LCLAT1: variants seen among roughly 807,000 people sequenced by gnomAD.
The protein encoded by LCLAT1 is lysocardiolipin acyltransferase 1, also known as 1-AGP acyltransferase 8.
A neutral mutation model predicts 30.7 loss-of-function variants in LCLAT1; 11 were observed. The observed-to-expected ratio is 0.36, with a 90% CI of 0.23 to 0.59. The LOEUF is 0.59. Ranked by LOEUF, LCLAT1 falls within the 20% of genes least tolerant of loss-of-function variation. The pLI, the probability that LCLAT1 is intolerant of heterozygous loss-of-function variation, is 0.77. For missense variants in LCLAT1, 402 were observed against 458.6 expected, an observed-to-expected ratio of 0.88 and a Z score of 1.13; for synonymous variants, 155 against 151.3, an observed-to-expected ratio of 1.02 and a Z score of -0.18.
At chr2:30,483,201 C>T (rs2148313890) in intron 1 of LCLAT1, among the ~76,000 whole-genome samples, 1 of 152,208 alleles carries the variant, frequency 6.6e-6, no homozygotes, top group South Asian at 2.1e-4. Flanking sequence ...TTTAAAACTA[C>T]TCTAGGCCAA....
chr2:30,512,050 C>T (rs1032474340), intron 1 of LCLAT1, among the ~76,000 whole-genome samples: 3 of 152,134 alleles, frequency 2.0e-5, no homozygotes, highest in Non-Finnish European at 4.4e-5. Flanking sequence ...TTCTGCTTTC[C>T]AGCTTTTAAA....
At chr2:30,579,485 T>G (rs979214013) in intron 5 of LCLAT1, among the ~76,000 whole-genome samples, 2 of 152,040 alleles carry the variant, frequency 1.3e-5, no homozygotes, top group African/African-American at 2.4e-5. Context: ...ATGCATAAAT[T>G]TGGGAGGTTA....
intron 3 of LCLAT1, among the ~76,000 whole-genome samples, chr2:30,535,742 A>G (rs369815530): frequency 1.4e-3 from 217 of 152,312 alleles, no homozygotes; most frequent in African/African-American, 5.1e-3. Context: ...GTAGGAACAC[A>G]GGAAACGTGA....
intron 1 of LCLAT1, among the ~76,000 whole-genome samples, chr2:30,512,308 A>G (rs1485604799): frequency 1.3e-5 from 2 of 152,202 alleles, no homozygotes; most frequent in Non-Finnish European, 2.9e-5. Context: ...ATCATATTCT[A>G]GATAATGCTT....
chr2:30,624,051 G>C (rs888309719), intron 5 of LCLAT1, among the ~76,000 whole-genome samples: 3 of 152,090 alleles, frequency 2.0e-5, no homozygotes, highest in Admixed American at 2.0e-4. Flanking sequence ...GTCTTTTTCA[G>C]ACAAACAAAT....
intron 5 of LCLAT1, among the ~76,000 whole-genome samples, chr2:30,578,440 G>C (rs185089816): frequency 1.2e-3 from 184 of 152,220 alleles, no homozygotes; most frequent in Non-Finnish European, 2.0e-3. Context: ...GCTGCTCCTA[G>C]TCAAACATGA....
At position 30,635,997 on chromosome 2, in the gene LCLAT1, C is replaced by A. The variant is rs192651395; in HGVS notation, c.629-4120C>A. ...TGTACTTGAGCATCTAGTAAGGGCA[C>A]AGGATGGCAACCAGGTACCCAAATG... On this transcript the variant is annotated intron_variant, in intron 5 of 5. Transcript: ENST00000379509. 6.0e-3 allele frequency among the ~76,000 whole-genome samples: 920 copies of A among 152,192 alleles called. 13 individuals carry two copies. The highest frequency in any genetic ancestry group is 9.4e-3 in the Non-Finnish European group (640 of 68,004).
At chr2:30,455,368 A>G (rs1469158005) in intron 1 of LCLAT1, among the ~76,000 whole-genome samples, 1 of 152,154 alleles carries the variant, frequency 6.6e-6, no homozygotes, top group African/African-American at 2.4e-5. Context: ...CGTGACTTAA[A>G]ATGACAGGCA....
chr2:30,584,250 A>G (rs1351854671), intron 5 of LCLAT1, among the ~76,000 whole-genome samples: 1 of 152,208 alleles, frequency 6.6e-6, no homozygotes, highest in African/African-American at 2.4e-5. Context: ...TTGTAGTTAC[A>G]TGCGTGAACC....
intron 1 of LCLAT1, among the ~76,000 whole-genome samples, chr2:30,465,188 C>G (rs1682358384): frequency 6.6e-6 from 1 of 152,078 alleles, no homozygotes; most frequent in East Asian, 1.9e-4. Flanking sequence ...TGTGAGTGGT[C>G]CCTAAAAGCA....
chr2:30,594,532 A>T (rs1238041183), intron 5 of LCLAT1, among the ~76,000 whole-genome samples: 4 of 152,112 alleles, frequency 2.6e-5, no homozygotes, highest in Non-Finnish European at 4.4e-5. Flanking sequence ...TGTTTCATTT[A>T]GCTCTGCGTG....
intron 5 of LCLAT1, among the ~76,000 whole-genome samples, chr2:30,585,188 C>T (rs1666379715): frequency 6.6e-6 from 1 of 151,818 alleles, no homozygotes; most frequent in Non-Finnish European, 1.5e-5. Context: ...TTCCTTGTTT[C>T]CCTCTCAAGC....
intron 5 of LCLAT1, among the ~76,000 whole-genome samples, chr2:30,598,070 G>A (rs955875922): frequency 1.2e-4 from 19 of 152,110 alleles, no homozygotes; most frequent in Non-Finnish European, 2.2e-4. Flanking sequence ...TTTCTGCATC[G>A]ATATTCATCA....
chr2:30,568,292 G>T (rs979596916), intron 5 of LCLAT1, 116 bp downstream of exon 5: 1 of 540,426 alleles, frequency 1.9e-6, no homozygotes, highest in Non-Finnish European at 3.3e-6. Flanking sequence ...CAAGAAATGA[G>T]ATATTGTATT....
At chr2:30,537,289 G>T (rs1686293721) in intron 3 of LCLAT1, among the ~76,000 whole-genome samples, 1 of 151,988 alleles carries the variant, frequency 6.6e-6, no homozygotes, top group Non-Finnish European at 1.5e-5. Context: ...GCTGAGGCAG[G>T]AGAATGGCGT....
intron 4 of LCLAT1, among the ~76,000 whole-genome samples, chr2:30,565,404 G>C (rs1225584300): frequency 6.6e-6 from 1 of 152,148 alleles, no homozygotes; most frequent in Non-Finnish European, 1.5e-5. Flanking sequence ...GTCATCTGCT[G>C]TACTCAGTCT....
chr2:30,488,816 C>T (rs765597760), intron 1 of LCLAT1, among the ~76,000 whole-genome samples: 1 of 152,202 alleles, frequency 6.6e-6, no homozygotes, highest in Non-Finnish European at 1.5e-5. Flanking sequence ...ATTCTGTCCT[C>T]AATGTCTGTT....
Position 30,640,377 on chromosome 2 carries a change from C to G in LCLAT1, c.889C>G (p.Pro297Ala). 6.2e-7 allele frequency: 1 copy of G among 1,614,220 alleles called. No homozygotes were observed. Among genetic ancestry groups the G allele is most frequent in the East Asian group, 2.2e-5 (1 of 44,886 alleles). The change falls in exon 6 of 6, where the codon CCT (proline) becomes GCT (alanine). Residue 297 changes from proline (P) to alanine (A), a missense_variant. Coordinates refer to ENST00000379509, the MANE Select transcript of LCLAT1 (RefSeq NM_001002257.3). ...TTTTACCGGACAGAGTGTCATTCCA[C>G]CTTGCAAGTCTGAACTCAGGGTCCT... is the stretch of plus-strand genomic sequence containing the variant. ...FYFTGQSVIPPCKSELRVLVV... is the reference protein window; with the variant it reads ...FYFTGQSVIPACKSELRVLVV...
At chr2:30,466,260 GCTTT>G (rs1558455279) in intron 1 of LCLAT1, among the ~76,000 whole-genome samples, 1 of 112,796 alleles carries the variant, frequency 8.9e-6, no homozygotes, top group Non-Finnish European at 1.9e-5. Context: ...TTTCTTTCCT[GCTTT>G]CTTTTTTTTT....
Sources: allele counts gnomAD v4.1 joint callset (sites outside exome capture counted in the v4.1 genomes callset), GRCh38; gene constraint gnomAD v4.1.1; transcripts MANE v1.5; gene names NCBI Gene and HGNC (gene_info 2026-07-23, HGNC 2026-07-21).